Variants in MIR2052HG observed in about 807,000 individuals in gnomAD.
MIR2052HG encodes MIR2052 host gene.
chr8:74,757,116 T>TG (rs1006448944), intron 5 of MIR2052HG: 2 of 151,638 alleles, frequency 1.3e-5, no homozygotes, highest in South Asian at 2.1e-4. Context: ...TTCAGGGCAC[T>TG]GGAGGTCATG....
intron 4 of MIR2052HG, among the ~76,000 whole-genome samples, chr8:74,705,530 G>A (rs981199926): frequency 2.0e-5 from 3 of 151,956 alleles, no homozygotes; most frequent in African/African-American, 7.2e-5. Flanking sequence ...TGAGGACTCT[G>A]ACCAAGAGTC....
chr8:74,608,059 A>G (rs987570771), intron 1 of MIR2052HG, among the ~76,000 whole-genome samples: 2 of 152,214 alleles, frequency 1.3e-5, no homozygotes, highest in Non-Finnish European at 2.9e-5. Flanking sequence ...AGAATTTTGC[A>G]TGGGACTTTG....
chr8:74,600,404 A>C (rs1179352676), intron 1 of MIR2052HG, among the ~76,000 whole-genome samples: 1 of 151,072 alleles, frequency 6.6e-6, no homozygotes. Context: ...ACCAACATGG[A>C]GAAACCCCGT....
intron 2 of MIR2052HG, among the ~76,000 whole-genome samples, chr8:74,695,045 T>C (rs1248782362): frequency 6.6e-6 from 1 of 151,952 alleles, no homozygotes; most frequent in Non-Finnish European, 1.5e-5. Flanking sequence ...AAAGTCAAGA[T>C]GAAGGAAAAA....
Position 74,624,794 on chromosome 8 carries a change from A to G in MIR2052HG, n.216+11854A>G, listed in dbSNP as rs573660140. Among the ~76,000 whole-genome samples, 4 of 152,298 alleles carry G rather than the reference A, an allele frequency of 2.6e-5. No homozygotes were observed. In the East Asian group the frequency reaches 5.8e-4, roughly 22 times the overall value. On this transcript the variant is annotated intron_variant and non_coding_transcript_variant, in intron 2 of 6. Coordinates refer to ENST00000523442, the Ensembl canonical transcript of MIR2052HG. ...ACTTTGAGGTGTGTTCTTTCTGATCATACCTGCCTGTGGAATTCTGTATAG... is the reference window on the plus strand; with the variant it reads ...ACTTTGAGGTGTGTTCTTTCTGATCGTACCTGCCTGTGGAATTCTGTATAG...
In MIR2052HG at chr8:74,662,606, T is replaced by A. The variant is rs563191750; in HGVS notation, n.217-39773T>A. Among the ~76,000 whole-genome samples the A allele has an allele frequency of 1.0e-3, 155 of 152,192 alleles. 4 individuals carry two copies. The highest frequency in any genetic ancestry group is 4.1e-4 in the Non-Finnish European group (28 of 68,042). The stretch of plus-strand genomic sequence containing the variant: ...AAAAGAAAAAAAAGAAGTTGCGTTC[T>A]GTAAGGTATAATTTGAGGGCCTAAG... On this transcript the variant is annotated intron_variant and non_coding_transcript_variant, in intron 2 of 6. Coordinates refer to ENST00000523442, the Ensembl canonical transcript of MIR2052HG.
intron 2 of MIR2052HG, among the ~76,000 whole-genome samples, chr8:74,641,109 A>G (rs994408410): frequency 6.6e-6 from 1 of 152,214 alleles, no homozygotes; most frequent in Admixed American, 6.5e-5. Context: ...TTTATCGTGA[A>G]GATAGTCTGT....
chr8:74,630,532 A>C (rs923715407), intron 2 of MIR2052HG, among the ~76,000 whole-genome samples: 3 of 142,560 alleles, frequency 2.1e-5, no homozygotes, highest in Non-Finnish European at 4.9e-5. Flanking sequence ...TTCTCTGAAA[A>C]AAAAAAAAAA....
intron 4 of MIR2052HG, among the ~76,000 whole-genome samples, chr8:74,728,260 C>G (rs1301548510): frequency 6.6e-6 from 1 of 152,170 alleles, no homozygotes; most frequent in Non-Finnish European, 1.5e-5. Flanking sequence ...GAGGTAAGAT[C>G]ACTGAGCTTA....
Position 74,614,851 on chromosome 8 carries a change from CT to C in MIR2052HG, n.216+1923del, listed in dbSNP as rs773155570. Among the ~76,000 whole-genome samples the C allele has an allele frequency of 1.9e-3, 281 of 144,664 alleles. 4 individuals carry two copies. The East Asian group carries it at 0.021, about 11-fold the overall frequency. 94.9% of individuals were successfully genotyped at this position (144,664 alleles called of 152,430 possible). Reference sequence around the variant, plus strand: ...GATGACACAGAAAAGACAATTTCATCTTTTTTTTTTTTCACTAGATTGAATG... The same window carrying C: ...GATGACACAGAAAAGACAATTTCATCTTTTTTTTTTTCACTAGATTGAATG... On this transcript the variant is annotated intron_variant and non_coding_transcript_variant, in intron 2 of 6. Coordinates refer to ENST00000523442, the Ensembl canonical transcript of MIR2052HG.
intron 4 of MIR2052HG, among the ~76,000 whole-genome samples, chr8:74,750,956 C>G (rs1809937849): frequency 6.6e-6 from 1 of 152,162 alleles, no homozygotes. Context: ...AAATTATACA[C>G]TGTTCACAAC....
chr8:74,732,055 A>G (rs1318326264), intron 4 of MIR2052HG, among the ~76,000 whole-genome samples: 2 of 152,214 alleles, frequency 1.3e-5, no homozygotes, highest in African/African-American at 4.8e-5. Context: ...AAGGAATGCC[A>G]AGGAGACTAA....
At chr8:74,668,707 A>G (rs1401105297) in intron 2 of MIR2052HG, among the ~76,000 whole-genome samples, 1 of 152,228 alleles carries the variant, frequency 6.6e-6, no homozygotes, top group Non-Finnish European at 1.5e-5. Context: ...CAAAATAGCC[A>G]TGAGTTATCA....
intron 2 of MIR2052HG, among the ~76,000 whole-genome samples, chr8:74,639,293 A>G (rs61520887): frequency 0.013 from 1,921 of 152,278 alleles, 43 homozygotes; most frequent in African/African-American, 0.043. Context: ...AATCTGCTTT[A>G]TAAAAATCTT....
At chr8:74,727,441 G>A in intron 4 of MIR2052HG, among the ~76,000 whole-genome samples, 1 of 152,016 alleles carries the variant, frequency 6.6e-6, no homozygotes, top group East Asian at 1.9e-4. Context: ...TATTTAATTG[G>A]CTCAGAGATT....
intron 2 of MIR2052HG, among the ~76,000 whole-genome samples, chr8:74,649,342 G>T (rs949790145): frequency 6.6e-6 from 1 of 151,950 alleles, no homozygotes; most frequent in Non-Finnish European, 1.5e-5. Flanking sequence ...ATTTTTGTGT[G>T]TGTGATTTAG....
intron 2 of MIR2052HG, among the ~76,000 whole-genome samples, chr8:74,659,759 C>T (rs1487505540): frequency 6.6e-6 from 1 of 152,148 alleles, no homozygotes; most frequent in Non-Finnish European, 1.5e-5. Flanking sequence ...ATGTGCTTTT[C>T]TGATAGGAAG....
At chr8:74,705,237 T>C (rs913092880) in intron 4 of MIR2052HG, among the ~76,000 whole-genome samples, 6 of 152,086 alleles carry the variant, frequency 3.9e-5, no homozygotes, top group African/African-American at 7.2e-5. Flanking sequence ...AATTATTTAA[T>C]TGAGTTTTTA....
At chr8:74,691,200 T>C (rs1448867249) in intron 2 of MIR2052HG, among the ~76,000 whole-genome samples, 1 of 152,214 alleles carries the variant, frequency 6.6e-6, no homozygotes, top group Non-Finnish European at 1.5e-5. Context: ...GCAGTCTGAC[T>C]CTAGAGCCTG....
Sources: allele counts gnomAD v4.1 joint callset (sites outside exome capture counted in the v4.1 genomes callset), GRCh38; gene constraint gnomAD v4.1.1; transcripts MANE v1.5; gene names NCBI Gene and HGNC (gene_info 2026-07-23, HGNC 2026-07-21).